PIGN: variants seen among roughly 807,000 people sequenced by gnomAD.
PIGN encodes GPI ethanolamine phosphate transferase 1.
A neutral mutation model predicts 125.4 loss-of-function variants in PIGN; 117 were observed. The ratio of observed to expected loss-of-function variants is 0.93; its 90% CI spans 0.80 to 1.09. The LOEUF (loss-of-function observed/expected upper bound fraction) is 1.09. Ranked by LOEUF, PIGN falls within the 50% of genes least tolerant of loss-of-function variation. The probability of loss-of-function intolerance (pLI) is 0.00; values close to 1 mark genes in which losing one functional copy is unlikely to be tolerated. For synonymous variants in PIGN, 392 were observed against 377.8 expected, an observed-to-expected ratio of 1.04 and a Z score of -0.44; for missense variants, 1,075 against 1,094.9, an observed-to-expected ratio of 0.98 and a Z score of 0.26.
intron 30 of PIGN, among the ~76,000 whole-genome samples, chr18:62,057,391 T>C (rs775854124): frequency 3.3e-5 from 5 of 152,124 alleles, no homozygotes; most frequent in Non-Finnish European, 7.4e-5. Flanking sequence ...GAGTTGCCCT[T>C]GATTCTTTTT....
At chr18:62,090,648 T>G (rs139603590) in intron 23 of PIGN, 70 bp from the exon 24 acceptor site, 36 of 789,444 alleles carry the variant, frequency 4.6e-5, no homozygotes, top group Admixed American at 1.9e-4. Flanking sequence ...AAATTTACAC[T>G]GAGGTCTTTC....
At chr18:62,177,878 G>C (rs909361218) in intron 1 of PIGN, among the ~76,000 whole-genome samples, 13 of 152,150 alleles carry the variant, frequency 8.5e-5, no homozygotes, top group Non-Finnish European at 1.6e-4. Flanking sequence ...CTGGCTCTCA[G>C]CTGAAGTACT....
At position 62,146,021 on chromosome 18, in the gene PIGN, G is replaced by A. The variant is rs2036315475; in HGVS notation, c.810C>T (p.Ser270=). 2 of 1,475,724 alleles carry A rather than the reference G, an allele frequency of 1.4e-6. No individual in the cohort carries two copies. The highest frequency in any genetic ancestry group is 1.9e-6 in the Non-Finnish European group (2 of 1,074,154). 91.4% of individuals were successfully genotyped at this position (1,475,724 alleles called of 1,614,324 possible). A position where few individuals can be genotyped will look rare whatever the true frequency, so the allele number is the denominator to read the frequency against. Residue 270 remains serine (S), a synonymous_variant, in exon 10 of 31, where the codon TCC becomes TCT. Coordinates refer to ENST00000640252, the MANE Select transcript of PIGN (RefSeq NM_176787.5). The part of the protein sequence containing the change: ...TSDHGMTDWG[S]HGAGHPSETL... ...TCTCTGAAGGATGACCAGCCCCATG[G>A]GAACCTACAAATAAGATATAAAGAA...
intron 23 of PIGN, among the ~76,000 whole-genome samples, chr18:62,091,033 T>C (rs1056146666): frequency 6.6e-6 from 1 of 152,096 alleles, no homozygotes; most frequent in Non-Finnish European, 1.5e-5. Flanking sequence ...ACAATGGTGA[T>C]ATATCATATT....
At chr18:62,078,648 C>A (rs1223387380) in intron 28 of PIGN, among the ~76,000 whole-genome samples, 1 of 152,218 alleles carries the variant, frequency 6.6e-6, no homozygotes. Flanking sequence ...ATAGGGTTAT[C>A]ATTCCCTTGC....
Position 62,157,124 on chromosome 18 carries a change from C to A in PIGN, c.442+5G>T. ...ATCTGAGGAAACATAATCAGTGACT[C>A]TTACCTTTGGCAAACATAGGCAGGA... On this transcript the variant is annotated splice_donor_5th_base_variant and intron_variant, in intron 6 of 30. Transcript: ENST00000640252. The A allele has an allele frequency of 6.5e-7, 1 of 1,535,360 alleles. No individual in the cohort carries two copies. The highest frequency in any genetic ancestry group is 9.0e-7 in the Non-Finnish European group (1 of 1,112,958).
intron 30 of PIGN, among the ~76,000 whole-genome samples, chr18:62,066,399 C>T (rs529380195): frequency 1.2e-4 from 19 of 152,226 alleles, no homozygotes; most frequent in African/African-American, 4.3e-4. Flanking sequence ...CTACTGTGAA[C>T]GATAGTATCT....
intron 17 of PIGN, among the ~76,000 whole-genome samples, chr18:62,109,362 G>A (rs944195765): frequency 2.6e-5 from 4 of 152,000 alleles, no homozygotes; most frequent in African/African-American, 2.4e-5. Context: ...AAATATAACC[G>A]TATTAGATTT....
intron 23 of PIGN, chr18:62,017,754 A>G (rs2029998661): frequency 6.6e-6 from 1 of 151,784 alleles, no homozygotes; most frequent in African/African-American, 2.4e-5. Context: ...GGTGAAGTGG[A>G]GAAAAAAAAA....
In PIGN at chr18:62,042,102, C is replaced by G. The variant is rs998388034; in HGVS notation, c.*3754G>C. The stretch of plus-strand genomic sequence containing the variant: ...TTGGGAGGCCGAGGCGGGTGAACTG[C>G]TTGAGGTCAGGAGTTCAAGATGAGC... On this transcript the variant is annotated 3_prime_UTR_variant, in exon 31 of 31. Transcript: ENST00000640252. 1.3e-5 allele frequency: 2 copies of G among 152,120 alleles called. No homozygotes were observed. Among genetic ancestry groups the G allele is most frequent in the African/African-American group, 4.8e-5 (2 of 41,414 alleles). The allele number at this position is 152,120 out of a possible 1,614,324, so 9.4% of individuals were successfully genotyped here. A position where few individuals can be genotyped will look rare whatever the true frequency, so the allele number is the denominator to read the frequency against.
Position 62,113,320 on chromosome 18 carries a change from T to C in PIGN, c.1252-4A>G. 2 of 1,585,286 alleles carry C rather than the reference T, an allele frequency of 1.3e-6. No individual in the cohort carries two copies. Among genetic ancestry groups the C allele is most frequent in the Non-Finnish European group, 1.7e-6 (2 of 1,169,856 alleles). On this transcript the variant is annotated splice_polypyrimidine_tract_variant and splice_region_variant and intron_variant, in intron 15 of 30. Coordinates refer to ENST00000640252, the MANE Select transcript of PIGN (RefSeq NM_176787.5). The stretch of plus-strand genomic sequence containing the variant: ...TTAGCTCCTTGCAAAGGGAGACCTA[T>C]GGAGAAAAAACATATATAACTTGCT...
intron 15 of PIGN, 58 bp downstream of exon 15, chr18:62,114,503 C>T: frequency 9.3e-7 from 1 of 1,070,542 alleles, no homozygotes; most frequent in Non-Finnish European, 1.4e-6. Flanking sequence ...CTATTTTTCT[C>T]CTCTCCATCC....
In PIGN at chr18:62,167,586, C is replaced by T. The variant is rs548150272; in HGVS notation, c.-235-3930G>A. Among the ~76,000 whole-genome samples the T allele has an allele frequency of 3.4e-5, 5 of 148,854 alleles. No homozygotes were observed. The South Asian group carries it at 6.4e-4, about 19-fold the overall frequency. ...GGCAGAGGCTGCAGTGAGCCAAGAT[C>T]GCACCACTGCACTCCAGCCTGAGCA... On this transcript the variant is annotated intron_variant, in intron 1 of 30. Transcript: ENST00000640252.
At chr18:62,102,063 A>C (rs1298351522) in intron 21 of PIGN, among the ~76,000 whole-genome samples, 1 of 151,734 alleles carries the variant, frequency 6.6e-6, no homozygotes, top group Non-Finnish European at 1.5e-5. Context: ...CCCTGACTCT[A>C]CTAAATATAC....
intron 30 of PIGN, among the ~76,000 whole-genome samples, chr18:62,067,217 G>A (rs756988933): frequency 6.6e-6 from 1 of 152,044 alleles, no homozygotes; most frequent in Non-Finnish European, 1.5e-5. Flanking sequence ...TGTTGTTTAT[G>A]CATGCACCCA....
intron 22 of PIGN, among the ~76,000 whole-genome samples, chr18:62,097,845 C>T (rs2034274661): frequency 1.3e-5 from 2 of 151,948 alleles, no homozygotes; most frequent in South Asian, 2.1e-4. Flanking sequence ...AAGCAACTAC[C>T]CAAGTGGAGG....
intron 25 of PIGN, among the ~76,000 whole-genome samples, chr18:62,086,292 G>A (rs1317851156): frequency 1.3e-5 from 2 of 152,186 alleles, no homozygotes; most frequent in Non-Finnish European, 2.9e-5. Context: ...GAAAGATGAA[G>A]CAAGAAATAT....
At chr18:62,093,788 A>C (rs980818201) in intron 23 of PIGN, among the ~76,000 whole-genome samples, 3 of 152,140 alleles carry the variant, frequency 2.0e-5, no homozygotes, top group African/African-American at 7.2e-5. Flanking sequence ...ATTTACGTAG[A>C]GAACCCTCCA....
intron 23 of PIGN, among the ~76,000 whole-genome samples, chr18:62,018,465 T>G (rs936068447): frequency 1.3e-5 from 2 of 152,238 alleles, no homozygotes; most frequent in African/African-American, 4.8e-5. Context: ...GGGCAACACA[T>G]GCTTAGCAGC....
Sources: gnomAD v4.1 joint callset for allele counts (sites outside exome capture counted in the v4.1 genomes callset) on GRCh38, gnomAD v4.1.1 for gene constraint, MANE v1.5 for transcripts, NCBI Gene and HGNC (gene_info 2026-07-23, HGNC 2026-07-21) for gene names.